The following GRIN2A variants were observed in gnomAD, a reference collection of about 807,000 sequenced individuals.
GRIN2A encodes glutamate ionotropic receptor NMDA type subunit 2A, also known as glutamate receptor ionotropic, NMDA 2A.
A neutral mutation model predicts 113.4 loss-of-function variants in GRIN2A; 22 were observed. The observed-to-expected ratio is 0.19, with a 90% confidence interval of 0.14 to 0.28. The LOEUF is 0.28. GRIN2A is among the 10% of genes least tolerant of loss of function. The probability of loss-of-function intolerance (pLI) is 1.00; values close to 1 mark genes in which losing one functional copy is unlikely to be tolerated. For synonymous variants in GRIN2A, 827 were observed against 738.4 expected (o/e 1.12, Z -1.94); for missense variants, 1,502 against 1,887.0 (o/e 0.80, Z 3.78).
At chr16:10,009,906 A>G (rs1426401654) in intron 2 of GRIN2A, among the ~76,000 whole-genome samples, 1 of 152,244 alleles carries the variant, frequency 6.6e-6, no homozygotes, top group African/African-American at 2.4e-5. Context: ...AACAAGAGGC[A>G]GAGACAGGCC....
chr16:9,971,518 C>G (rs1456454807), intron 2 of GRIN2A, among the ~76,000 whole-genome samples: 1 of 152,196 alleles, frequency 6.6e-6, no homozygotes, highest in Non-Finnish European at 1.5e-5. Context: ...ACCCACAGAA[C>G]TGTGACTGAC....
chr16:9,840,622 A>G (rs200844680), intron 7 of GRIN2A, 25 bp downstream of exon 7: 1 of 1,605,496 alleles, frequency 6.2e-7, no homozygotes, highest in Admixed American at 1.7e-5. Flanking sequence ...ATAGGAAAGC[A>G]ATAGTCACTA....
At chr16:9,784,121 A>G (rs1174298393) in intron 11 of GRIN2A, among the ~76,000 whole-genome samples, 1 of 152,116 alleles carries the variant, frequency 6.6e-6, no homozygotes, top group Non-Finnish European at 1.5e-5. Flanking sequence ...TGAACTTCCA[A>G]CAAAAGTTTT....
chr16:9,897,260 C>T (rs1194089920), intron 3 of GRIN2A, among the ~76,000 whole-genome samples: 1 of 141,820 alleles, frequency 7.1e-6, no homozygotes, highest in African/African-American at 2.7e-5. Context: ...ATACACATTT[C>T]CTCTGGTATT....
At chr16:10,078,485 AG>A (rs61082536) in intron 2 of GRIN2A, among the ~76,000 whole-genome samples, 145,241 of 151,604 alleles carry the variant, frequency 0.96, 69,887 homozygotes, top group East Asian at 1. Context: ...AGCAGAGTCC[AG>A]GGGGGAGGCA....
At chr16:9,921,428 T>C (rs2141582613) in intron 3 of GRIN2A, among the ~76,000 whole-genome samples, 1 of 152,268 alleles carries the variant, frequency 6.6e-6, no homozygotes, top group East Asian at 1.9e-4. Flanking sequence ...GAAGATCGGG[T>C]GCTAAAGCCA....
intron 4 of GRIN2A, among the ~76,000 whole-genome samples, chr16:9,887,720 G>C (rs906815027): frequency 6.6e-6 from 1 of 152,110 alleles, no homozygotes; most frequent in African/African-American, 2.4e-5. Context: ...GATAAGATTT[G>C]TGTGTGTATG....
intron 2 of GRIN2A, chr16:10,031,324 C>T (rs985797776): frequency 1.3e-5 from 2 of 152,316 alleles, no homozygotes; most frequent in African/African-American, 4.8e-5. Context: ...CAGATACTCA[C>T]ATGGGTGTCC....
At chr16:9,929,643 T>A (rs1017335219) in intron 3 of GRIN2A, among the ~76,000 whole-genome samples, 1 of 152,172 alleles carries the variant, frequency 6.6e-6, no homozygotes, top group African/African-American at 2.4e-5. Flanking sequence ...TTAGCAGGCA[T>A]CAGAGTAATA....
intron 2 of GRIN2A, among the ~76,000 whole-genome samples, chr16:10,120,308 T>C (rs779141967): frequency 2.6e-5 from 4 of 152,194 alleles, no homozygotes; most frequent in Admixed American, 6.5e-5. Flanking sequence ...TTGCTATATA[T>C]CTTACAATGC....
At chr16:10,150,914 C>T (rs2142291476) in intron 2 of GRIN2A, among the ~76,000 whole-genome samples, 1 of 152,312 alleles carries the variant, frequency 6.6e-6, no homozygotes, top group South Asian at 2.1e-4. Context: ...ATGGCTGCAA[C>T]CTGTGCCCTG....
intron 5 of GRIN2A, among the ~76,000 whole-genome samples, chr16:9,849,533 C>G (rs2042841837): frequency 6.6e-6 from 1 of 152,036 alleles, no homozygotes; most frequent in African/African-American, 2.4e-5. Flanking sequence ...ATGGGCAAAA[C>G]TACTCACCTC....
At chr16:9,843,588 T>C (rs1016904854) in intron 5 of GRIN2A, among the ~76,000 whole-genome samples, 3 of 152,216 alleles carry the variant, frequency 2.0e-5, no homozygotes, top group African/African-American at 7.2e-5. Context: ...CTGCCTGTCT[T>C]GAATCACTCT....
At chr16:10,077,870 C>T (rs911935152) in intron 2 of GRIN2A, among the ~76,000 whole-genome samples, 7 of 152,154 alleles carry the variant, frequency 4.6e-5, no homozygotes, top group South Asian at 2.1e-4. Flanking sequence ...TGATACCTTC[C>T]GTGGCATCAT....
chr16:9,781,982 C>A (rs11859262), intron 11 of GRIN2A, among the ~76,000 whole-genome samples: 65,871 of 151,942 alleles, frequency 0.43, 15,365 homozygotes, highest in African/African-American at 0.62. Flanking sequence ...AAATCATGGA[C>A]TATAAAAGTA....
At chr16:9,823,442 C>T (rs1006850073) in intron 9 of GRIN2A, among the ~76,000 whole-genome samples, 1 of 152,180 alleles carries the variant, frequency 6.6e-6, no homozygotes, top group Non-Finnish European at 1.5e-5. Context: ...TGTCAAGTAA[C>T]TGGAATAGTG....
intron 1 of GRIN2A, among the ~76,000 whole-genome samples, chr16:10,181,246 C>T (rs1023086234): frequency 1.3e-5 from 2 of 151,318 alleles, no homozygotes; most frequent in African/African-American, 4.9e-5. Context: ...CACCCTCTCT[C>T]ACGCGCGCCG....
chr16:10,168,594 A>G (rs1260765566), intron 2 of GRIN2A, among the ~76,000 whole-genome samples: 2 of 152,174 alleles, frequency 1.3e-5, no homozygotes. Flanking sequence ...TTCCTATTCC[A>G]TGAATCCTCA....
intron 3 of GRIN2A, among the ~76,000 whole-genome samples, chr16:9,915,829 G>A (rs1473492163): frequency 6.6e-6 from 1 of 152,158 alleles, no homozygotes; most frequent in Non-Finnish European, 1.5e-5. Context: ...AGATACTAAT[G>A]GCACCTACAT....
Sources: gnomAD v4.1 joint callset for allele counts (sites outside exome capture counted in the v4.1 genomes callset) on GRCh38, gnomAD v4.1.1 for gene constraint, MANE v1.5 for transcripts, NCBI Gene and HGNC (gene_info 2026-07-23, HGNC 2026-07-21) for gene names.